Variants in SULT1A4 observed in about 807,000 individuals in gnomAD.
SULT1A4 encodes the protein sulfotransferase family 1A member 4, also known as sulfotransferase 1A4.
For missense variants in SULT1A4, 4 were observed against 40.6 expected (o/e 0.10, Z 2.45); for synonymous variants, 3 against 19.4 (o/e 0.15, Z 2.22).
At position 29,461,391 on chromosome 16, in the gene SULT1A4, GCTGATC is replaced by G. The variant is rs1421897811; in HGVS notation, c.8_13del (p.Leu3_Ile4del). 8.3e-7 allele frequency: 1 copy of G among 1,201,108 alleles called. No individual in the cohort carries two copies. The highest frequency in any genetic ancestry group is 1.1e-6 in the Non-Finnish European group (1 of 912,906). 74.4% of individuals were successfully genotyped at this position (1,201,108 alleles called of 1,614,324 possible). Reference sequence around the variant, plus strand: ...CTGGCCCCTGATGCAGGAACATGGAGCTGATCCAGGACACCTCCCGCCCGCCACTGG... The same window carrying G: ...CTGGCCCCTGATGCAGGAACATGGAGCAGGACACCTCCCGCCCGCCACTGG... On this transcript the variant is annotated inframe_deletion, in exon 2 of 8. Transcript: ENST00000360423.
At chr16:29,462,773 G>T (rs1471478750) in intron 4 of SULT1A4, 8 of 24,078 alleles carry the variant, frequency 3.3e-4, no homozygotes, top group Admixed American at 5.8e-4. Flanking sequence ...CTCCCAAGGA[G>T]CTGGGATTAC....
In SULT1A4 at chr16:29,462,145, G is replaced by A. The variant is rs532167669; in HGVS notation, c.372+195G>A. Among the ~76,000 whole-genome samples the A allele has an allele frequency of 1.2e-4, 14 of 121,692 alleles. No individual in the cohort carries two copies. The South Asian group carries it at 3.2e-3, about 28-fold the overall frequency. 79.8% of individuals were successfully genotyped at this position (121,692 alleles called of 152,430 possible). ...CCAGTTACTTAGGAGGCTCAGCGGG[G>A]AGGACTGTTTATGCAAATAGGAAGC... On this transcript the variant is annotated intron_variant, in intron 4 of 7. Coordinates refer to ENST00000360423, the MANE Select transcript of SULT1A4 (RefSeq NM_001017390.3).
intron 4 of SULT1A4, among the ~76,000 whole-genome samples, chr16:29,462,364 T>C (rs1964880376): frequency 6.7e-6 from 1 of 148,852 alleles, no homozygotes. Flanking sequence ...CTTTTTTTTT[T>C]TTGAGACAGA....
In SULT1A4 at chr16:29,461,724, G is replaced by A; in HGVS notation, c.235G>A (p.Val79Met). ...KCNRAPIYVR[V>M]PFLEVNDPGE... ...TAACCGGGCTCCCATCTACGTACGG[G>A]TGCCCTTCCTTGAGGTCAATGATCC... The change falls in exon 3 of 8, where the codon GTG becomes ATG. Residue 79 changes from valine to methionine, a missense_variant. By Grantham distance (21) the Val-to-Met change is conservative. Transcript: ENST00000360423. The A allele has an allele frequency of 4.5e-6, 1 of 223,558 alleles. No individual in the cohort carries two copies. 13.8% of individuals were successfully genotyped at this position (223,558 alleles called of 1,614,324 possible). A position where few individuals can be genotyped will look rare whatever the true frequency, so the allele number is the denominator to read the frequency against.
rs1471423944 is a variant in SULT1A4 at position 29,461,927 on chromosome 16, A to G, written c.349A>G (p.Thr117Ala). 3.8e-6 allele frequency: 1 copy of G among 264,430 alleles called. No individual in the cohort carries two copies. Among genetic ancestry groups the G allele is most frequent in the Non-Finnish European group, 6.5e-6 (1 of 154,950 alleles). The allele number at this position is 264,430 out of a possible 1,614,324, so 16.4% of individuals were successfully genotyped here. ...CCTGCCCCTGGCTCTGCTCCCTCAGACTCTGTTGGATCAGAAGGTCAAGGT... is the reference window on the plus strand; with the variant it reads ...CCTGCCCCTGGCTCTGCTCCCTCAGGCTCTGTTGGATCAGAAGGTCAAGGT... ...SHLPLALLPQ[T>A]LLDQKVKVVY... Residue 117 changes from threonine to alanine, a missense_variant, in exon 4 of 8, where the codon ACT becomes GCT. Thr to Ala is a moderately conservative substitution (Grantham distance 58). Transcript: ENST00000360423.
chr16:29,462,088 T>C (rs1964875457), intron 4 of SULT1A4, 138 bp downstream of exon 4: 1 of 103,318 alleles, frequency 9.7e-6, no homozygotes, highest in African/African-American at 4.9e-5. Context: ...AAAAATAAAA[T>C]TAACAACCTG....
chr16:29,461,714 C>T lies in SULT1A4; in HGVS notation c.225C>T (p.Ile75=). The T allele has an allele frequency of 1.3e-5, 3 of 228,336 alleles. No individual in the cohort carries two copies. Among genetic ancestry groups the T allele is most frequent in the Non-Finnish European group, 2.3e-5 (3 of 129,696 alleles). The allele number at this position is 228,336 out of a possible 1,614,324, so 14.1% of individuals were successfully genotyped here. A position where few individuals can be genotyped will look rare whatever the true frequency, so the allele number is the denominator to read the frequency against. Reference sequence around the variant, plus strand: ...TAGAGAAGTGTAACCGGGCTCCCATCTACGTACGGGTGCCCTTCCTTGAGG... The same window carrying T: ...TAGAGAAGTGTAACCGGGCTCCCATTTACGTACGGGTGCCCTTCCTTGAGG... ...GDLEKCNRAP[I]YVRVPFLEVN... Residue 75 remains isoleucine, a synonymous_variant, in exon 3 of 8, where the codon ATC becomes ATT. Transcript: ENST00000360423.
chr16:29,461,452 TA>T lies in SULT1A4; in HGVS notation c.68del (p.Tyr23SerfsTer32). The T allele has an allele frequency of 1.1e-6, 1 of 930,438 alleles. No individual in the cohort carries two copies. Among genetic ancestry groups the T allele is most frequent in the Middle Eastern group, 4.0e-4 (1 of 2,522 alleles). The allele number at this position is 930,438 out of a possible 1,614,324, so 57.6% of individuals were successfully genotyped here. ...CGTGAAGGGGGTCCCGCTCATCAAG[TA>T]CTTTGCAGAGGCACTGGGGCCCCTG... ...EYVKGVPLIK[Y>X]FAEALGPLQS... On this transcript the variant is annotated frameshift_variant, in exon 2 of 8. Coordinates refer to ENST00000360423, the MANE Select transcript of SULT1A4 (RefSeq NM_001017390.3). LOFTEE classifies it high-confidence loss of function.
chr16:29,462,449 A>G (rs1256562019), intron 4 of SULT1A4, among the ~76,000 whole-genome samples: 1 of 138,348 alleles, frequency 7.2e-6, no homozygotes, highest in African/African-American at 2.8e-5. Context: ...CCCCAGTTCA[A>G]GTGATTCTCC....
rs965386824 is a variant in SULT1A4 at position 29,462,285 on chromosome 16, C to T, written c.372+335C>T. On this transcript the variant is annotated intron_variant, in intron 4 of 7. Coordinates refer to ENST00000360423, the MANE Select transcript of SULT1A4 (RefSeq NM_001017390.3). ...GCAAGGAAAGCCAGGAAGGGGGGCT[C>T]AGGTGCCCTCTCAGCCATGTACCTG... Among the ~76,000 whole-genome samples the T allele has an allele frequency of 5.4e-4, 79 of 145,824 alleles. 2 individuals carry two copies. The highest frequency in any genetic ancestry group is 8.9e-4 in the Non-Finnish European group (60 of 67,240).
chr16:29,461,785 G>A, intron 3 of SULT1A4, 22 bp downstream of exon 3: 1 of 216,428 alleles, frequency 4.6e-6, no homozygotes, highest in Non-Finnish European at 8.0e-6. Context: ...GGTCCTGGGG[G>A]TAAGGGAAGT....
chr16:29,462,373 G>A (rs1964880627), intron 4 of SULT1A4, among the ~76,000 whole-genome samples: 1 of 148,396 alleles, frequency 6.7e-6, no homozygotes, highest in African/African-American at 2.5e-5. Flanking sequence ...TTTTGAGACA[G>A]AGTCTTGCTC....
At chr16:29,461,163 T>C (rs1285990773) in intron 1 of SULT1A4, among the ~76,000 whole-genome samples, 1 of 13,196 alleles carries the variant, frequency 7.6e-5, no homozygotes, top group Non-Finnish European at 2.7e-4. Context: ...AGCATGGTTG[T>C]ACATGCTTGT....
At chr16:29,462,434 C>T (rs1302814749) in intron 4 of SULT1A4, among the ~76,000 whole-genome samples, 1 of 142,040 alleles carries the variant, frequency 7.0e-6, no homozygotes, top group East Asian at 2.3e-4. Flanking sequence ...CTGCAACCTC[C>T]GCCTCCCCAG....
chr16:29,461,282 G>A (rs1964859996), intron 1 of SULT1A4, 100 bp from the exon 2 acceptor site: 1 of 1,436,772 alleles, frequency 7.0e-7, no homozygotes, highest in Non-Finnish European at 9.2e-7. Context: ...GGGTGAGAGT[G>A]AGACTCCATC....
At chr16:29,462,654 T>A (rs1964886005) in intron 4 of SULT1A4, 4 of 90,676 alleles carry the variant, frequency 4.4e-5, no homozygotes, top group South Asian at 3.8e-4. Context: ...CTGGCCCTTT[T>A]TTTTTTTGAG....
intron 4 of SULT1A4, among the ~76,000 whole-genome samples, chr16:29,462,156 A>C (rs1964876551): frequency 8.1e-6 from 1 of 123,908 alleles, no homozygotes; most frequent in African/African-American, 4.0e-5. Context: ...AGGACTGTTT[A>C]TGCAAATAGG....
At chr16:29,462,327 T>G (rs1273687208) in intron 4 of SULT1A4, among the ~76,000 whole-genome samples, 1 of 146,490 alleles carries the variant, frequency 6.8e-6, no homozygotes, top group Non-Finnish European at 1.5e-5. Context: ...TGGAAGGGCC[T>G]CCTCGCTTCT....
chr16:29,462,722 A>C, intron 4 of SULT1A4: 1 of 49,336 alleles, frequency 2.0e-5, no homozygotes, highest in South Asian at 1.0e-4. Flanking sequence ...GGTTCACTGC[A>C]ACCACCGCCT....
Sources: allele counts gnomAD v4.1 joint callset (sites outside exome capture counted in the v4.1 genomes callset), GRCh38; gene constraint gnomAD v4.1.1; transcripts MANE v1.5; gene names NCBI Gene and HGNC (gene_info 2026-07-23, HGNC 2026-07-21).